CDH23: variants seen among roughly 807,000 people sequenced by gnomAD.
The protein encoded by CDH23 is cadherin related 23.
A neutral mutation model predicts 317.1 loss-of-function variants in CDH23; 189 were observed. The ratio of observed to expected loss-of-function variants is 0.60; its 90% confidence interval spans 0.53 to 0.67. The LOEUF (loss-of-function observed/expected upper bound fraction) is 0.67, where lower values mean the gene tolerates loss of function less well. Among genes scored for constraint, CDH23 ranks in the 30% least tolerant of loss-of-function variants. CDH23 has a pLI of 0.00. For synonymous variants in CDH23, 1,839 were observed against 1,876.8 expected, an observed-to-expected ratio of 0.98 and a Z score of 0.52; for missense variants, 4,401 against 4,592.4, an observed-to-expected ratio of 0.96 and a Z score of 1.20.
At chr10:71,626,700 G>A (rs1225120465) in intron 11 of CDH23, among the ~76,000 whole-genome samples, 3 of 152,122 alleles carry the variant, frequency 2.0e-5, no homozygotes, top group African/African-American at 7.2e-5. Context: ...GGAAAGAAGG[G>A]GGCAGGCTGC....
intron 1 of CDH23, among the ~76,000 whole-genome samples, chr10:71,432,396 T>G (rs1849425951): frequency 1.2e-5 from 1 of 83,572 alleles, no homozygotes; most frequent in South Asian, 3.9e-4. Flanking sequence ...AGTTGTGTGG[T>G]GTGTGTTTGT....
chr10:71,466,116 G>T (rs912639540), intron 3 of CDH23, among the ~76,000 whole-genome samples: 12 of 152,316 alleles, frequency 7.9e-5, no homozygotes, highest in Middle Eastern at 3.4e-3. Flanking sequence ...CCTTGCAGGG[G>T]TGTGCCCTGT....
Position 71,732,187 on chromosome 10 carries a change from G to A in CDH23, c.3916G>A (p.Glu1306Lys), listed in dbSNP as rs1007435841. The A allele has an allele frequency of 5.0e-6, 8 of 1,613,850 alleles. No individual in the cohort carries two copies. Among genetic ancestry groups the A allele is most frequent in the South Asian group, 1.1e-5 (1 of 91,060 alleles). The change falls in exon 32 of 70, where the codon GAG becomes AAG. Residue 1306 changes from glutamate (E) to lysine (K), a missense_variant. Transcript: ENST00000224721. ...FCSVYITLLNELDEAVQFSNA... is the reference protein window; with the variant it reads ...FCSVYITLLNKLDEAVQFSNA... ...CAGCGTCTACATCACTCTGCTCAAC[G>A]AGCTGGACGAGGCCGTGCAGTTCTC... is the stretch of plus-strand genomic sequence containing the variant.
intron 3 of CDH23, among the ~76,000 whole-genome samples, chr10:71,502,009 C>T (rs1428864617): frequency 1.3e-5 from 2 of 152,240 alleles, no homozygotes. Context: ...GGCTCAGCTA[C>T]TCACACATGC....
intron 3 of CDH23, among the ~76,000 whole-genome samples, chr10:71,504,513 A>G (rs10823771): frequency 0.73 from 111,160 of 152,118 alleles, 41,940 homozygotes; most frequent in African/African-American, 0.92. Context: ...GAATGCTGGC[A>G]TGAACACAGA....
intron 50 of CDH23, 85 bp downstream of exon 50, chr10:71,798,663 G>A (rs1270956805): frequency 9.0e-7 from 1 of 1,105,652 alleles, no homozygotes; most frequent in East Asian, 2.6e-5. Context: ...GCCCCTCTGT[G>A]GCTCCTCAGT....
intron 14 of CDH23, among the ~76,000 whole-genome samples, chr10:71,657,112 A>ATG (rs1253642146): frequency 6.6e-6 from 1 of 152,156 alleles, no homozygotes; most frequent in African/African-American, 2.4e-5. Context: ...AGCAAGGTGC[A>ATG]TGCGTCTCCA....
intron 9 of CDH23, among the ~76,000 whole-genome samples, chr10:71,592,094 G>T (rs1409391856): frequency 1.3e-5 from 2 of 152,184 alleles, no homozygotes; most frequent in African/African-American, 4.8e-5. Flanking sequence ...GATGCAAGAT[G>T]ATTTGAAGGG....
chr10:71,534,006 T>G (rs956002470), intron 6 of CDH23, among the ~76,000 whole-genome samples: 3 of 152,084 alleles, frequency 2.0e-5, no homozygotes, highest in Non-Finnish European at 4.4e-5. Context: ...AACCATCCTA[T>G]TTTCTTTACC....
chr10:71,775,216 G>A (rs1469177852), intron 38 of CDH23, among the ~76,000 whole-genome samples: 1 of 152,154 alleles, frequency 6.6e-6, no homozygotes, highest in Non-Finnish European at 1.5e-5. Flanking sequence ...TTCTCACCCT[G>A]ACATCCTCTG....
chr10:71,556,989 A>T (rs766632855), intron 6 of CDH23, among the ~76,000 whole-genome samples: 2 of 152,142 alleles, frequency 1.3e-5, no homozygotes, highest in Non-Finnish European at 2.9e-5. Context: ...CCTACTCTTA[A>T]CATATATACA....
At chr10:71,455,484 G>A (rs1025503408) in intron 3 of CDH23, among the ~76,000 whole-genome samples, 4 of 152,138 alleles carry the variant, frequency 2.6e-5, no homozygotes, top group Non-Finnish European at 5.9e-5. Flanking sequence ...ACGGACAGAT[G>A]CACATATATA....
At chr10:71,752,805 G>GGCAGGAGAACA (rs1160358950) in intron 38 of CDH23, among the ~76,000 whole-genome samples, 4 of 152,180 alleles carry the variant, frequency 2.6e-5, no homozygotes, top group African/African-American at 9.7e-5. Context: ...GAGTCGGGGT[G>GGCAGGAGAACA]GCAGGAGAAC....
chr10:71,661,059 A>G (rs1046790141), intron 14 of CDH23, among the ~76,000 whole-genome samples: 69 of 152,198 alleles, frequency 4.5e-4, no homozygotes, highest in African/African-American at 1.6e-3. Flanking sequence ...GTCAGACCAC[A>G]CTCCCATGAA....
At chr10:71,760,903 C>T (rs754553759) in intron 38 of CDH23, 1 of 1,613,832 alleles carries the variant, frequency 6.2e-7, no homozygotes, top group Non-Finnish European at 8.5e-7. Context: ...GTACACCACA[C>T]AGTTGGATGG....
At chr10:71,705,337 C>G (rs1290152914) in intron 25 of CDH23, among the ~76,000 whole-genome samples, 1 of 152,116 alleles carries the variant, frequency 6.6e-6, no homozygotes, top group African/African-American at 2.4e-5. Context: ...CTTCAGTGCC[C>G]CAGAGCTCAG....
chr10:71,715,808 G>T, intron 28 of CDH23: 1 of 898,176 alleles, frequency 1.1e-6, no homozygotes, highest in Non-Finnish European at 1.6e-6. Flanking sequence ...AAGGAGCTTC[G>T]GGGGGTGAGT....
At chr10:71,735,806 T>C (rs1589385720) in intron 34 of CDH23, among the ~76,000 whole-genome samples, 1 of 151,716 alleles carries the variant, frequency 6.6e-6, no homozygotes, top group African/African-American at 2.4e-5. Context: ...AGCCTGGGGG[T>C]GAGTGAGGCT....
chr10:71,432,444 C>T (rs11593213), intron 1 of CDH23, among the ~76,000 whole-genome samples: 54,600 of 142,642 alleles, frequency 0.38, 11,707 homozygotes, highest in East Asian at 0.51. Flanking sequence ...TGTTTGAGAG[C>T]GTGTGTGTGA....
Sources: allele counts gnomAD v4.1 joint callset (sites outside exome capture counted in the v4.1 genomes callset), GRCh38; gene constraint gnomAD v4.1.1; transcripts MANE v1.5; gene names NCBI Gene and HGNC (gene_info 2026-07-23, HGNC 2026-07-21).